DZIP1L: variants seen among roughly 807,000 people sequenced by gnomAD.
The protein encoded by DZIP1L is DAZ interacting zinc finger protein 1 like, also known as cilium assembly protein DZIP1L.
Under a neutral mutation model 88.7 loss-of-function variants are expected in DZIP1L, and 90 were observed. The observed-to-expected ratio is 1.02, with a 90% CI of 0.86 to 1.21. The LOEUF is 1.21. Among genes scored for constraint, DZIP1L ranks in the 50% most tolerant of loss-of-function variants. The pLI is 0.00. For missense variants in DZIP1L, 932 were observed against 955.8 expected, an observed-to-expected ratio of 0.98 and a Z score of 0.33; for synonymous variants, 363 against 372.1, an observed-to-expected ratio of 0.98 and a Z score of 0.28.
chr3:138,101,918 C>A, intron 2 of DZIP1L: 1 of 1,456,150 alleles, frequency 6.9e-7, no homozygotes. Flanking sequence ...CCACGTTGCT[C>A]GGCATCTGCG....
chr3:138,097,726 A>G, intron 3 of DZIP1L, 37 bp downstream of exon 3: 2 of 1,572,814 alleles, frequency 1.3e-6, no homozygotes, highest in Non-Finnish European at 1.7e-6. Flanking sequence ...CCCTTTCCAC[A>G]GTCCCAGAAG....
At chr3:138,103,044 T>C in intron 2 of DZIP1L, 1 of 432,802 alleles carries the variant, frequency 2.3e-6, no homozygotes, top group Non-Finnish European at 4.3e-6. Context: ...GTTGTATCCT[T>C]TATAACATAG....
rs762633033 is a variant in DZIP1L at position 138,063,674 on chromosome 3, G to A, written c.2143-697C>T. Among the ~76,000 whole-genome samples the A allele has an allele frequency of 5.3e-5, 8 of 152,258 alleles. No individual in the cohort carries two copies. Among genetic ancestry groups the A allele is most frequent in the African/African-American group, 1.9e-4 (8 of 41,472 alleles). ...CGACCAATCAGAACCCATGCAGGGT[G>A]CAGGGCAGCAAGCATGCTCTGAGCG... is the stretch of plus-strand genomic sequence containing the variant. On this transcript the variant is annotated intron_variant, in intron 15 of 15. Transcript: ENST00000327532. The surrounding 1 kb of genome is among the most constrained non-coding windows in gnomAD (Gnocchi z 4.1).
At chr3:138,069,666 G>C (rs1209708724) in intron 12 of DZIP1L, among the ~76,000 whole-genome samples, 2 of 152,194 alleles carry the variant, frequency 1.3e-5, no homozygotes, top group African/African-American at 4.8e-5. Flanking sequence ...CATCTTCAGA[G>C]GCTATCATTT....
chr3:138,080,293 C>T (rs1396200029), intron 10 of DZIP1L: 3 of 311,020 alleles, frequency 9.6e-6, no homozygotes, highest in African/African-American at 6.4e-5. Context: ...CAAATCCTCA[C>T]TCAGTTACCT....
At chr3:138,067,197 C>T (rs2107732847) in intron 14 of DZIP1L, among the ~76,000 whole-genome samples, 1 of 152,126 alleles carries the variant, frequency 6.6e-6, no homozygotes, top group South Asian at 2.1e-4. Context: ...TCTCCCGTAG[C>T]TGGCCACAGT....
intron 1 of DZIP1L, chr3:138,112,511 T>C (rs1030896677): frequency 2.6e-5 from 4 of 152,132 alleles, no homozygotes; most frequent in East Asian, 1.9e-4. Flanking sequence ...CTGATTAGGA[T>C]AGGCGGACAA....
rs1300241940 is a variant in DZIP1L at position 138,088,435 on chromosome 3, C to G, written c.943G>C (p.Glu315Gln). 1.2e-6 allele frequency: 2 copies of G among 1,613,884 alleles called. No individual in the cohort carries two copies. Among genetic ancestry groups the G allele is most frequent in the East Asian group, 4.5e-5 (2 of 44,894 alleles). The change falls in exon 6 of 16, where the codon GAG becomes CAG. Residue 315 changes from glutamate to glutamine, a missense_variant. Glu to Gln is a conservative substitution (Grantham distance 29, BLOSUM62 2). Transcript: ENST00000327532. ...AGCTCCCGTGCCTGCCGAAGCCACT[C>G]CTCTGACTCCTCATCTCGCAGTGAT... Reference protein sequence around the residue: ...LGSLRDEESEEWLRQARELQA... With the variant: ...LGSLRDEESEQWLRQARELQA...
chr3:138,097,175 C>T (rs1347107128), intron 3 of DZIP1L, among the ~76,000 whole-genome samples: 1 of 149,310 alleles, frequency 6.7e-6, no homozygotes, highest in Non-Finnish European at 1.5e-5. Flanking sequence ...GAGTGAGACC[C>T]TGTCTCAAAA....
At chr3:138,102,553 T>C (rs541709085) in intron 2 of DZIP1L, 7 of 1,411,378 alleles carry the variant, frequency 5.0e-6, no homozygotes, top group Admixed American at 1.7e-5. Context: ...GAGGCTCCAG[T>C]TGGTCTCCAG....
In DZIP1L at chr3:138,080,245, G is replaced by A. The variant is rs1246838183; in HGVS notation, c.1288+322C>T. 6 of 243,912 alleles carry A rather than the reference G, an allele frequency of 2.5e-5. No individual in the cohort carries two copies. The Admixed American group carries it at 2.9e-4, about 12-fold the overall frequency. The allele number at this position is 243,912 out of a possible 1,614,324, so 15.1% of individuals were successfully genotyped here. Reference sequence around the variant, plus strand: ...TCCACTGTTCTGCATAGTCGCAGGTGAGAGTCAGTAGGGCAGGCTGTGAAT... The same window carrying A: ...TCCACTGTTCTGCATAGTCGCAGGTAAGAGTCAGTAGGGCAGGCTGTGAAT... On this transcript the variant is annotated intron_variant, in intron 10 of 15. Transcript: ENST00000327532.
At chr3:138,076,330 C>T (rs1248548464) in intron 11 of DZIP1L, among the ~76,000 whole-genome samples, 3 of 152,174 alleles carry the variant, frequency 2.0e-5, no homozygotes, top group African/African-American at 7.2e-5. Flanking sequence ...TAAACTAGTA[C>T]AACCACTATG....
chr3:138,081,847 A>G, intron 8 of DZIP1L, 83 bp from the exon 9 acceptor site: 1 of 1,450,180 alleles, frequency 6.9e-7, no homozygotes, highest in Non-Finnish European at 9.5e-7. Flanking sequence ...TGCCTAGCAC[A>G]GTGAGGAAGG....
chr3:138,101,855 G>A (rs1461021690), intron 2 of DZIP1L: 9 of 1,357,276 alleles, frequency 6.6e-6, no homozygotes, highest in Non-Finnish European at 9.5e-6. Context: ...GCCCGCTGCA[G>A]GGCGCCCTCC....
chr3:138,103,033 A>C (rs2042367679), intron 2 of DZIP1L: 1 of 438,084 alleles, frequency 2.3e-6, no homozygotes, highest in African/African-American at 2.0e-5. Flanking sequence ...CATGCTCCAG[A>C]GTTGTATCCT....
chr3:138,074,586 T>A (rs1424456589), intron 11 of DZIP1L, among the ~76,000 whole-genome samples: 3 of 152,144 alleles, frequency 2.0e-5, no homozygotes, highest in Admixed American at 6.5e-5. Context: ...TTTAATTTAT[T>A]TTTTTATTAT....
chr3:138,083,095 G>C lies in DZIP1L; in HGVS notation c.1203+1018C>G, dbSNP rs566478403. 4.6e-5 allele frequency among the ~76,000 whole-genome samples: 7 copies of C among 152,290 alleles called. No individual in the cohort carries two copies. The South Asian group carries it at 1.5e-3, about 32-fold the overall frequency. ...CTATTCTGTTATCTTTAGCCAATAG[G>C]TTCCTAACTGAATCATTTGCAAATA... is the stretch of plus-strand genomic sequence containing the variant. On this transcript the variant is annotated intron_variant, in intron 8 of 15. Coordinates refer to ENST00000327532, the MANE Select transcript of DZIP1L (RefSeq NM_173543.3).
chr3:138,106,081 C>A (rs2042474730), intron 1 of DZIP1L, among the ~76,000 whole-genome samples: 1 of 148,822 alleles, frequency 6.7e-6, no homozygotes, highest in South Asian at 2.2e-4. Context: ...GTACACTTTA[C>A]CCTATTTAAT....
At chr3:138,078,238 C>T (rs1345803100) in intron 10 of DZIP1L, among the ~76,000 whole-genome samples, 1 of 152,174 alleles carries the variant, frequency 6.6e-6, no homozygotes, top group Non-Finnish European at 1.5e-5. Flanking sequence ...GGAAGGCCTC[C>T]TACGGTGTTC....
Sources: allele counts gnomAD v4.1 joint callset (sites outside exome capture counted in the v4.1 genomes callset), GRCh38; gene constraint gnomAD v4.1.1; non-coding constraint Gnocchi (gnomAD v3.1); transcripts MANE v1.5; gene names NCBI Gene and HGNC (gene_info 2026-07-23, HGNC 2026-07-21).